Variants in TNS3 observed in about 807,000 individuals in gnomAD.
TNS3 encodes the protein tensin-3.
TNS3 carries 45 observed loss-of-function variants against 140.9 expected under a neutral mutation model. The ratio of observed to expected loss-of-function variants is 0.32; its 90% confidence interval spans 0.25 to 0.41. The LOEUF (loss-of-function observed/expected upper bound fraction) is 0.41. Among genes scored for constraint, TNS3 ranks in the 10% least tolerant of loss-of-function variants. TNS3 has a pLI of 1.00. For missense variants in TNS3, 1,716 were observed against 1,906.7 expected (o/e 0.90, Z 1.86); for synonymous variants, 815 against 788.4 (o/e 1.03, Z -0.56).
At chr7:47,281,928 G>C (rs913236334) in intron 28 of TNS3, among the ~76,000 whole-genome samples, 1 of 148,974 alleles carries the variant, frequency 6.7e-6, no homozygotes, top group Non-Finnish European at 1.5e-5. Context: ...CCATGCCCCT[G>C]ACCCTGACCC....
chr7:47,288,979 C>T (rs1460944631), intron 27 of TNS3, among the ~76,000 whole-genome samples: 1 of 152,196 alleles, frequency 6.6e-6, no homozygotes, highest in Non-Finnish European at 1.5e-5. Flanking sequence ...TTTTAGCACA[C>T]TTGCAATTTG....
upstream of TNS3, chr7:47,582,560 A>G: frequency 2.2e-6 from 1 of 451,352 alleles, no homozygotes; most frequent in African/African-American, 2.0e-5. Flanking sequence ...GGAGTCGCGC[A>G]TACATAAAGG....
chr7:47,436,381 T>C (rs1291181377), intron 7 of TNS3, among the ~76,000 whole-genome samples: 19 of 152,332 alleles, frequency 1.2e-4, no homozygotes, highest in Admixed American at 1.1e-3. Flanking sequence ...ACAACTTATG[T>C]TGACTCAGTC....
chr7:47,579,416 C>G (rs951602102), intron 1 of TNS3: 7 of 152,182 alleles, frequency 4.6e-5, no homozygotes, highest in African/African-American at 1.7e-4. Flanking sequence ...ACCCGCAAGA[C>G]AGGAGGCCCC....
chr7:47,352,759 C>A (rs1270954050), intron 17 of TNS3, among the ~76,000 whole-genome samples: 1 of 152,190 alleles, frequency 6.6e-6, no homozygotes, highest in Non-Finnish European at 1.5e-5. Context: ...CCACTCAAGG[C>A]CCCCAGATCC....
chr7:47,283,316 G>A (rs964286872), intron 28 of TNS3, among the ~76,000 whole-genome samples: 69 of 152,200 alleles, frequency 4.5e-4, no homozygotes, highest in African/African-American at 1.6e-3. Context: ...GAAAGGAAAT[G>A]ACCCTCTGTT....
At chr7:47,322,665 C>T (rs1175504520) in intron 20 of TNS3, among the ~76,000 whole-genome samples, 4 of 152,026 alleles carry the variant, frequency 2.6e-5, no homozygotes, top group Admixed American at 2.0e-4. Context: ...CTGTATATGA[C>T]GAACATAAAA....
chr7:47,471,090 T>C (rs1372250939), intron 4 of TNS3, among the ~76,000 whole-genome samples: 1 of 152,090 alleles, frequency 6.6e-6, no homozygotes, highest in East Asian at 1.9e-4. Context: ...TGGGGCGCAG[T>C]TCCCAGAAAC....
intron 16 of TNS3, among the ~76,000 whole-genome samples, chr7:47,390,237 C>A (rs1030661070): frequency 3.9e-5 from 6 of 152,230 alleles, no homozygotes; most frequent in Admixed American, 2.0e-4. Flanking sequence ...AAGTTTACTT[C>A]AATTTCCAAA....
intron 17 of TNS3, among the ~76,000 whole-genome samples, chr7:47,363,098 C>G (rs1408959335): frequency 1.7e-3 from 1 of 594 alleles, no homozygotes. Flanking sequence ...TCACAGTCAT[C>G]ACCATCATCA....
intron 1 of TNS3, among the ~76,000 whole-genome samples, chr7:47,553,091 C>G (rs1381511236): frequency 6.6e-6 from 1 of 152,196 alleles, no homozygotes; most frequent in Non-Finnish European, 1.5e-5. Flanking sequence ...GCAGACTCAG[C>G]AAGGTGAGGA....
intron 20 of TNS3, among the ~76,000 whole-genome samples, chr7:47,338,114 T>C (rs543806100): frequency 6.6e-6 from 1 of 152,182 alleles, no homozygotes; most frequent in Non-Finnish European, 1.5e-5. Flanking sequence ...CACTGGCCTG[T>C]TGAAGGACAT....
chr7:47,425,122 C>A (rs1384542272), intron 9 of TNS3, among the ~76,000 whole-genome samples: 1 of 152,194 alleles, frequency 6.6e-6, no homozygotes, highest in East Asian at 1.9e-4. Context: ...AGTTCAAGAC[C>A]AGCCTGGTCA....
chr7:47,568,406 G>A (rs1034968710), intron 1 of TNS3, among the ~76,000 whole-genome samples: 1 of 152,178 alleles, frequency 6.6e-6, no homozygotes, highest in African/African-American at 2.4e-5. Context: ...AGCTGAGATG[G>A]TGGGCAAGCT....
intron 3 of TNS3, among the ~76,000 whole-genome samples, chr7:47,488,931 T>A (rs1411241314): frequency 6.6e-6 from 1 of 152,188 alleles, no homozygotes; most frequent in Non-Finnish European, 1.5e-5. Context: ...AACACAAGCC[T>A]GCAAACAACA....
chr7:47,288,600 C>G (rs1038445895), intron 27 of TNS3, among the ~76,000 whole-genome samples: 2 of 152,128 alleles, frequency 1.3e-5, no homozygotes, highest in Non-Finnish European at 2.9e-5. Flanking sequence ...CTGGGACCCA[C>G]AGACAGGGTC....
At chr7:47,367,221 A>G (rs1473011655) in intron 17 of TNS3, among the ~76,000 whole-genome samples, 5 of 152,180 alleles carry the variant, frequency 3.3e-5, no homozygotes, top group Non-Finnish European at 1.5e-5. Flanking sequence ...ACCTCTGTGC[A>G]GGAGCTTCCA....
intron 1 of TNS3, among the ~76,000 whole-genome samples, chr7:47,567,443 G>T (rs1298790385): frequency 6.6e-6 from 1 of 152,096 alleles, no homozygotes; most frequent in Non-Finnish European, 1.5e-5. Flanking sequence ...CCAGCATTTT[G>T]GAAGGCCGAG....
At position 47,407,670 on chromosome 7, in the gene TNS3, G is replaced by T. The variant is rs914366047; in HGVS notation, c.723+4057C>A. ...AGCATAGGGCTGTGTTTGGAGATGG[G>T]GTCTTCACAAAGGTAAATTAAAATG... On this transcript the variant is annotated intron_variant, in intron 13 of 30. Transcript: ENST00000311160. The surrounding 1 kb of genome is among the most constrained non-coding windows in gnomAD (Gnocchi z 4.1). 1.3e-5 allele frequency among the ~76,000 whole-genome samples: 2 copies of T among 152,198 alleles called. No homozygotes were observed.
Sources: allele counts gnomAD v4.1 joint callset (sites outside exome capture counted in the v4.1 genomes callset), GRCh38; gene constraint gnomAD v4.1.1; non-coding constraint Gnocchi (gnomAD v3.1); transcripts MANE v1.5; gene names NCBI Gene and HGNC (gene_info 2026-07-23, HGNC 2026-07-21).